GDPD1: variants seen among roughly 807,000 people sequenced by gnomAD.
GDPD1 encodes the protein glycerophosphodiester phosphodiesterase domain containing 1, also known as lysophospholipase D GDPD1.
In GDPD1, 28 loss-of-function variants were observed where a neutral mutation model predicts 45.1. The ratio of observed to expected loss-of-function variants is 0.62; its 90% CI spans 0.46 to 0.85. GDPD1 has a LOEUF of 0.85. GDPD1 is among the 40% of genes least tolerant of loss of function. The pLI, the probability that GDPD1 is intolerant of heterozygous loss-of-function variation, is 0.00. For synonymous variants in GDPD1, 139 were observed against 131.4 expected (o/e 1.06, Z -0.40); for missense variants, 256 against 364.8 (o/e 0.70, Z 2.43).
intron 1 of GDPD1, among the ~76,000 whole-genome samples, chr17:59,221,765 G>C (rs985346518): frequency 4.6e-5 from 7 of 152,044 alleles, no homozygotes; most frequent in African/African-American, 1.7e-4. Flanking sequence ...ATCTTAAACC[G>C]GTTTAAAATT....
intron 4 of GDPD1, among the ~76,000 whole-genome samples, chr17:59,251,288 A>G (rs6503909): frequency 0.45 from 68,108 of 151,718 alleles, 17,272 homozygotes; most frequent in African/African-American, 0.7. Flanking sequence ...GGAGGCCGAG[A>G]CAGGTGGATC....
intron 4 of GDPD1, among the ~76,000 whole-genome samples, chr17:59,252,525 C>T (rs1441123093): frequency 6.6e-6 from 1 of 151,936 alleles, no homozygotes; most frequent in African/African-American, 2.4e-5. Context: ...TCATGAGCCA[C>T]CATGCCTGGC....
chr17:59,270,384 G>GT (rs1029792578), intron 7 of GDPD1, among the ~76,000 whole-genome samples: 4 of 151,054 alleles, frequency 2.6e-5, no homozygotes, highest in African/African-American at 7.3e-5. Context: ...AGTAGAGACG[G>GT]GGGGGGGTTT....
chr17:59,233,262 C>T (rs958128739), intron 1 of GDPD1, among the ~76,000 whole-genome samples: 1 of 151,972 alleles, frequency 6.6e-6, no homozygotes, highest in Non-Finnish European at 1.5e-5. Context: ...GCCTGTAATC[C>T]CAGCACTTTG....
chr17:59,270,699 C>CATTTATTT (rs528102639), intron 7 of GDPD1, among the ~76,000 whole-genome samples: 4 of 151,910 alleles, frequency 2.6e-5, no homozygotes, highest in South Asian at 4.2e-4. Context: ...TTTATGTATG[C>CATTTATTT]ATTTATTTAT....
At chr17:59,249,699 A>G (rs1184467595) in intron 4 of GDPD1, among the ~76,000 whole-genome samples, 1 of 152,232 alleles carries the variant, frequency 6.6e-6, no homozygotes, top group Non-Finnish European at 1.5e-5. Context: ...TGCTGAACAT[A>G]TATAGGCTCC....
At chr17:59,256,040 C>T (rs888273403) in intron 4 of GDPD1, among the ~76,000 whole-genome samples, 1 of 150,624 alleles carries the variant, frequency 6.6e-6, no homozygotes, top group Non-Finnish European at 1.5e-5. Flanking sequence ...AAAAAAGGGA[C>T]CGGGTACATG....
chr17:59,234,436 A>T, intron 1 of GDPD1, 56 bp from the exon 2 acceptor site: 1 of 1,093,296 alleles, frequency 9.1e-7, no homozygotes, highest in East Asian at 2.4e-5. Flanking sequence ...TATTAAAATT[A>T]ACTTCAGGAA....
intron 7 of GDPD1, among the ~76,000 whole-genome samples, chr17:59,267,963 A>G (rs1420749097): frequency 6.6e-6 from 1 of 152,096 alleles, no homozygotes; most frequent in African/African-American, 2.4e-5. Flanking sequence ...CGCCTTGCCC[A>G]GCCAGGATCC....
chr17:59,267,107 G>A lies in GDPD1; in HGVS notation c.643G>A (p.Gly215Ser). Reference sequence around the variant, plus strand: ...GCTCATTCTTGGCCTTTTCTTCACTGGCCTCTTGCCCTTTGTGCCCATTCG... The same window carrying A: ...GCTCATTCTTGGCCTTTTCTTCACTAGCCTCTTGCCCTTTGTGCCCATTCG... ...VLLILGLFFT[G>S]LLPFVPIREQ... The change falls in exon 7 of 10, where the codon GGC (glycine) becomes AGC (serine). Residue 215 changes from glycine to serine, a missense_variant. Coordinates refer to ENST00000284116, the MANE Select transcript of GDPD1 (RefSeq NM_182569.4). 1.2e-6 allele frequency: 2 copies of A among 1,613,572 alleles called. No homozygotes were observed. Among genetic ancestry groups the A allele is most frequent in the Non-Finnish European group, 1.7e-6 (2 of 1,179,630 alleles).
intron 1 of GDPD1, among the ~76,000 whole-genome samples, chr17:59,224,521 A>G (rs2047030727): frequency 6.6e-6 from 1 of 151,082 alleles, no homozygotes; most frequent in Non-Finnish European, 1.5e-5. Context: ...GCTACTCAGG[A>G]GGCTGAGGCA....
At chr17:59,230,672 A>G (rs2047082567) in intron 1 of GDPD1, among the ~76,000 whole-genome samples, 1 of 152,046 alleles carries the variant, frequency 6.6e-6, no homozygotes, top group Admixed American at 6.6e-5. Context: ...GTGAGCCACC[A>G]TGCCCGGCCC....
intron 4 of GDPD1, among the ~76,000 whole-genome samples, chr17:59,256,185 G>C (rs2047308013): frequency 6.6e-6 from 1 of 151,800 alleles, no homozygotes; most frequent in African/African-American, 2.4e-5. Context: ...CGAGCGTGAT[G>C]GTGCTCCTGT....
intron 6 of GDPD1, among the ~76,000 whole-genome samples, chr17:59,266,286 G>A (rs2047398706): frequency 6.6e-6 from 1 of 151,292 alleles, no homozygotes; most frequent in Non-Finnish European, 1.5e-5. Flanking sequence ...TACTTGGGGG[G>A]CTGAGGCAGG....
chr17:59,235,843 TTCC>T (rs1299856041), intron 2 of GDPD1, among the ~76,000 whole-genome samples: 6 of 151,962 alleles, frequency 3.9e-5, no homozygotes, highest in Non-Finnish European at 8.8e-5. Context: ...AGTAAAATTT[TTCC>T]TCCTATCACA....
Sources: allele counts gnomAD v4.1 joint callset (sites outside exome capture counted in the v4.1 genomes callset), GRCh38; gene constraint gnomAD v4.1.1; transcripts MANE v1.5; gene names NCBI Gene and HGNC (gene_info 2026-07-23, HGNC 2026-07-21).